DMRT1: variants seen among roughly 807,000 people sequenced by gnomAD.
DMRT1 encodes the protein doublesex and mab-3 related transcription factor 1.
Under a neutral mutation model 32.3 loss-of-function variants are expected in DMRT1, and 7 were observed. The observed-to-expected ratio is 0.22, with a 90% CI of 0.12 to 0.41. The LOEUF is 0.41. Among genes scored for constraint, DMRT1 ranks in the 10% least tolerant of loss-of-function variants. The pLI, the probability that DMRT1 is intolerant of heterozygous loss-of-function variation, is 1.00. For synonymous variants in DMRT1, 278 were observed against 206.1 expected, an observed-to-expected ratio of 1.35 and a Z score of -2.99; for missense variants, 625 against 500.5, an observed-to-expected ratio of 1.25 and a Z score of -2.37.
At chr9:905,892 G>GA (rs1817757820) in intron 3 of DMRT1, among the ~76,000 whole-genome samples, 1 of 152,184 alleles carries the variant, frequency 6.6e-6, no homozygotes. Context: ...CCTGACTGCA[G>GA]AGAGGCACCT....
At chr9:854,038 G>T (rs1218249085) in intron 2 of DMRT1, among the ~76,000 whole-genome samples, 1 of 151,386 alleles carries the variant, frequency 6.6e-6, no homozygotes, top group Non-Finnish European at 1.5e-5. Context: ...CTGGCTTCCA[G>T]CAGTCAGGAG....
At chr9:892,744 C>G (rs1817201627) in intron 2 of DMRT1, among the ~76,000 whole-genome samples, 1 of 152,184 alleles carries the variant, frequency 6.6e-6, no homozygotes, top group Admixed American at 6.5e-5. Flanking sequence ...CATTACATCC[C>G]AGAGTCAGGA....
At position 874,465 on chromosome 9, in the gene DMRT1, T is replaced by C. The variant is rs144459257; in HGVS notation, c.539-19447T>C. Among the ~76,000 whole-genome samples the C allele has an allele frequency of 2.0e-5, 3 of 152,330 alleles. No individual in the cohort carries two copies. In the East Asian group the frequency reaches 5.8e-4, roughly 29 times the overall value. ...TTGTATATAAGTTTATTTTACACAA[T>C]CTTAATATATACAGCAAATGTGTAT... On this transcript the variant is annotated intron_variant, in intron 2 of 4. Transcript: ENST00000382276.
At position 849,825 on chromosome 9, in the gene DMRT1, C is replaced by G. The variant is rs1237609569; in HGVS notation, c.538+2682C>G. Among the ~76,000 whole-genome samples, 3 of 73,356 alleles carry G rather than the reference C, an allele frequency of 4.1e-5. No homozygotes were observed. In the South Asian group the frequency reaches 1.2e-3, roughly 29 times the overall value. The allele number at this position is 73,356 out of a possible 152,430, so 48.1% of individuals were successfully genotyped here. ...TCTGAGGACGATGGGCTCTCTCTCT[C>G]TCTCTTTTTTTTTTTGAGACAGAGT... On this transcript the variant is annotated intron_variant, in intron 2 of 4. Coordinates refer to ENST00000382276, the MANE Select transcript of DMRT1 (RefSeq NM_021951.3).
At chr9:880,306 A>G (rs544558258) in intron 2 of DMRT1, among the ~76,000 whole-genome samples, 19 of 152,266 alleles carry the variant, frequency 1.2e-4, no homozygotes, top group African/African-American at 3.9e-4. Flanking sequence ...TCTGAGGTAC[A>G]GATTTGATCA....
At chr9:928,568 G>C (rs1356077341) in intron 4 of DMRT1, among the ~76,000 whole-genome samples, 1 of 152,158 alleles carries the variant, frequency 6.6e-6, no homozygotes, top group African/African-American at 2.4e-5. Context: ...TATGGAACTT[G>C]ACCTCTAGGG....
intron 2 of DMRT1, among the ~76,000 whole-genome samples, chr9:849,114 A>G (rs1040946838): frequency 6.6e-6 from 1 of 151,774 alleles, no homozygotes; most frequent in Non-Finnish European, 1.5e-5. Context: ...TATTATCCTC[A>G]TTTACAGATA....
chr9:869,147 C>T lies in DMRT1; in HGVS notation c.538+22004C>T, dbSNP rs998071013. On this transcript the variant is annotated intron_variant, in intron 2 of 4. Coordinates refer to ENST00000382276, the MANE Select transcript of DMRT1 (RefSeq NM_021951.3). ...TCTGAGGAAGTTGACATCCAAAGGA[C>T]CTTGTTAGATTTTTATCCGGGGGCG... Among the ~76,000 whole-genome samples, 28 of 152,260 alleles carry T rather than the reference C, an allele frequency of 1.8e-4. 1 individual carries two copies. The East Asian group carries it at 5.2e-3, about 28-fold the overall frequency.
At chr9:853,694 A>G (rs1472211171) in intron 2 of DMRT1, among the ~76,000 whole-genome samples, 1 of 152,056 alleles carries the variant, frequency 6.6e-6, no homozygotes, top group Non-Finnish European at 1.5e-5. Flanking sequence ...TGGTAGAGAC[A>G]GGGTTTCACC....
chr9:929,430 G>A (rs556237938), intron 4 of DMRT1, among the ~76,000 whole-genome samples: 29 of 152,122 alleles, frequency 1.9e-4, no homozygotes, highest in African/African-American at 6.3e-4. Context: ...GTACAAGAGG[G>A]CAATGCTAAT....
intron 2 of DMRT1, among the ~76,000 whole-genome samples, chr9:853,041 CTGGTGAAT>C: frequency 6.6e-6 from 1 of 152,140 alleles, no homozygotes; most frequent in Non-Finnish European, 1.5e-5. Flanking sequence ...AGAGATATGG[CTGGTGAAT>C]TCACAACGGA....
In DMRT1 at chr9:968,173, G is replaced by C. The variant is rs1819997925; in HGVS notation, c.*34G>C. On this transcript the variant is annotated 3_prime_UTR_variant, in exon 5 of 5. Transcript: ENST00000382276. Reference sequence around the variant, plus strand: ...TGCTGCCGATGGCGGTTCACTTGGAGTAACAGGCTTATTCCACTTTCCATG... The same window carrying C: ...TGCTGCCGATGGCGGTTCACTTGGACTAACAGGCTTATTCCACTTTCCATG... 2 of 1,612,082 alleles carry C rather than the reference G, an allele frequency of 1.2e-6. No individual in the cohort carries two copies. The highest frequency in any genetic ancestry group is 1.7e-6 in the Non-Finnish European group (2 of 1,179,220).
At position 847,733 on chromosome 9, in the gene DMRT1, A is replaced by C. The variant is rs1838967030; in HGVS notation, c.538+590A>C. Among the ~76,000 whole-genome samples, 3 of 152,192 alleles carry C rather than the reference A, an allele frequency of 2.0e-5. No homozygotes were observed. The South Asian group carries it at 6.2e-4, about 32-fold the overall frequency. On this transcript the variant is annotated intron_variant, in intron 2 of 4. Coordinates refer to ENST00000382276, the MANE Select transcript of DMRT1 (RefSeq NM_021951.3). ...ATCTGAATGAGTTTATCTGTCTCCA[A>C]AGCTCAATACTCAATGTGCTTACTG...
Position 937,829 on chromosome 9 carries a change from C to T in DMRT1, c.967+20922C>T, listed in dbSNP as rs542366429. ...TACTCTCTTTTTAGTATCTTTTGCA[C>T]AAAAGTTTTTTTTTTATTTTGATAA... On this transcript the variant is annotated intron_variant, in intron 4 of 4. Transcript: ENST00000382276. 9.2e-5 allele frequency among the ~76,000 whole-genome samples: 14 copies of T among 151,656 alleles called. No individual in the cohort carries two copies. The East Asian group carries it at 2.5e-3, about 27-fold the overall frequency.
At chr9:895,228 C>G (rs1817308613) in intron 3 of DMRT1, among the ~76,000 whole-genome samples, 1 of 152,152 alleles carries the variant, frequency 6.6e-6, no homozygotes, top group Admixed American at 6.5e-5. Context: ...GTTCTGCTTC[C>G]TCAGTTGCAA....
intron 3 of DMRT1, among the ~76,000 whole-genome samples, chr9:916,495 T>G (rs1356620754): frequency 6.6e-6 from 1 of 152,090 alleles, no homozygotes; most frequent in Non-Finnish European, 1.5e-5. Flanking sequence ...CTCAGCCTCC[T>G]GAGTAGCTGA....
At chr9:956,563 CAAAA>C (rs199499677) in intron 4 of DMRT1, among the ~76,000 whole-genome samples, 92 of 84,202 alleles carry the variant, frequency 1.1e-3, no homozygotes, top group Non-Finnish European at 2.1e-3. Flanking sequence ...GACCCTGTCT[CAAAA>C]AAAAAAAAAA....
At chr9:935,570 ACCAGTCTCGCAG>A (rs1818859208) in intron 4 of DMRT1, among the ~76,000 whole-genome samples, 1 of 152,238 alleles carries the variant, frequency 6.6e-6, no homozygotes, top group Admixed American at 6.5e-5. Flanking sequence ...GCTTCCGCAT[ACCAGTCTCGCAG>A]TGCCTTGTAC....
chr9:848,224 T>C (rs1286342968), intron 2 of DMRT1, among the ~76,000 whole-genome samples: 5 of 152,234 alleles, frequency 3.3e-5, no homozygotes, highest in Non-Finnish European at 4.4e-5. Context: ...TATATATTAT[T>C]AACTAGCTGT....
Sources: gnomAD v4.1 joint callset for allele counts (sites outside exome capture counted in the v4.1 genomes callset) on GRCh38, gnomAD v4.1.1 for gene constraint, MANE v1.5 for transcripts, NCBI Gene and HGNC (gene_info 2026-07-23, HGNC 2026-07-21) for gene names.